The following PSMD1 variants were observed in gnomAD, a reference collection of about 807,000 sequenced individuals.
The protein encoded by PSMD1 is proteasome 26S subunit, non-ATPase 1.
A neutral mutation model predicts 119.0 loss-of-function variants in PSMD1; 18 were observed. The observed-to-expected ratio is 0.15, with a 90% CI of 0.10 to 0.22. The LOEUF (loss-of-function observed/expected upper bound fraction) is 0.22, where lower values mean the gene tolerates loss of function less well. PSMD1 is among the 10% of genes least tolerant of loss of function. The probability of loss-of-function intolerance (pLI) is 1.00; values close to 1 mark genes in which losing one functional copy is unlikely to be tolerated. For missense variants in PSMD1, 702 were observed against 1,158.5 expected, an observed-to-expected ratio of 0.61 and a Z score of 5.72; for synonymous variants, 374 against 396.6, an observed-to-expected ratio of 0.94 and a Z score of 0.68.
intron 16 of PSMD1, among the ~76,000 whole-genome samples, chr2:231,097,529 G>A (rs1694755366): frequency 6.6e-6 from 1 of 152,124 alleles, no homozygotes; most frequent in Admixed American, 6.5e-5. Context: ...ATTTTCCCAA[G>A]CCATCTGACT....
intron 6 of PSMD1, 133 bp downstream of exon 6, chr2:231,070,301 C>A: frequency 2.8e-6 from 2 of 714,594 alleles, no homozygotes; most frequent in Non-Finnish European, 3.9e-6. Flanking sequence ...TCACAGCAGC[C>A]CTGTGAAAAT....
At chr2:231,144,355 G>A (rs546414895) in intron 17 of PSMD1, among the ~76,000 whole-genome samples, 80 of 147,636 alleles carry the variant, frequency 5.4e-4, no homozygotes, top group African/African-American at 1.9e-3. Flanking sequence ...TGGTTCAAGC[G>A]ATTCTCCAGC....
At chr2:231,094,126 C>A (rs1694667749) in intron 16 of PSMD1, among the ~76,000 whole-genome samples, 1 of 152,046 alleles carries the variant, frequency 6.6e-6, no homozygotes, top group South Asian at 2.1e-4. Flanking sequence ...CTAGGGTTAA[C>A]ACCTGTTGGA....
At chr2:231,117,447 T>G (rs887682025) in intron 16 of PSMD1, among the ~76,000 whole-genome samples, 1 of 152,104 alleles carries the variant, frequency 6.6e-6, no homozygotes, top group Non-Finnish European at 1.5e-5. Context: ...TTAGACTCTT[T>G]CATTAAAATT....
At chr2:231,153,724 T>A in intron 19 of PSMD1, 58 bp downstream of exon 19, 3 of 1,184,434 alleles carry the variant, frequency 2.5e-6, no homozygotes, top group East Asian at 2.5e-5. Flanking sequence ...ATAAAATAAC[T>A]ATCTGCTCTA....
chr2:231,117,228 GT>G (rs1202759414), intron 16 of PSMD1, among the ~76,000 whole-genome samples: 15 of 151,944 alleles, frequency 9.9e-5, no homozygotes, highest in Admixed American at 9.8e-4. Flanking sequence ...AGGAGTTTTG[GT>G]TTTAAGAATT....
intron 4 of PSMD1, among the ~76,000 whole-genome samples, chr2:231,065,284 TG>T (rs957456291): frequency 6.8e-6 from 1 of 146,508 alleles, no homozygotes; most frequent in Non-Finnish European, 1.5e-5. Flanking sequence ...TTGTTTTTTT[TG>T]TTTTTTTGTT....
At chr2:231,097,869 C>T (rs563507055) in intron 16 of PSMD1, among the ~76,000 whole-genome samples, 2 of 152,234 alleles carry the variant, frequency 1.3e-5, no homozygotes, top group Admixed American at 1.3e-4. Flanking sequence ...AAGTGCACTC[C>T]AGTTATTTGG....
At chr2:231,075,437 G>A in intron 7 of PSMD1, 74 bp from the exon 8 acceptor site, 3 of 1,299,386 alleles carry the variant, frequency 2.3e-6, no homozygotes, top group Non-Finnish European at 3.2e-6. Flanking sequence ...ATTCAATTTG[G>A]ACATGGTTCA....
At position 231,170,659 on chromosome 2, in the gene PSMD1, G is replaced by C; in HGVS notation, c.2809G>C (p.Glu937Gln). The change falls in exon 24 of 25, where the codon GAG (glutamate) becomes CAG (glutamine). Residue 937 changes from glutamate (E) to glutamine (Q), a missense_variant. Physicochemically the swap from Glu to Gln is conservative, Grantham distance 29 (BLOSUM62 2). Transcript: ENST00000308696. This position sits in a 1 kb window ranked among gnomAD's most constrained non-coding sequence, Gnocchi z 4.1. Reference sequence around the variant, plus strand: ...GGCAGCACATGGCCCAAAAATCGAGGAGGAGGAACAAGAGCCAGAACCCCC... The same window carrying C: ...GGCAGCACATGGCCCAAAAATCGAGCAGGAGGAACAAGAGCCAGAACCCCC... ...PVAAHGPKIE[E>Q]EEQEPEPPEP... 1.2e-6 allele frequency: 2 copies of C among 1,614,098 alleles called. No individual in the cohort carries two copies.
At chr2:231,082,263 C>T (rs1478057885) in intron 12 of PSMD1, among the ~76,000 whole-genome samples, 2 of 152,184 alleles carry the variant, frequency 1.3e-5, no homozygotes, top group African/African-American at 4.8e-5. Flanking sequence ...ACCGAGTCTC[C>T]CTATGTTGCC....
Position 231,133,942 on chromosome 2 carries a change from G to A in PSMD1, c.1884-4794G>A, listed in dbSNP as rs1462333381. The stretch of plus-strand genomic sequence containing the variant: ...ACAATTCCTGCTCTGTGGAAGGCTT[G>A]TACAAATAGTAACATTGGCAAGATG... On this transcript the variant is annotated intron_variant, in intron 16 of 24. Coordinates refer to ENST00000308696, the MANE Select transcript of PSMD1 (RefSeq NM_002807.4). Among the ~76,000 whole-genome samples the A allele has an allele frequency of 2.0e-5, 3 of 152,174 alleles. No individual in the cohort carries two copies. In the East Asian group the frequency reaches 5.8e-4, roughly 29 times the overall value.
intron 19 of PSMD1, among the ~76,000 whole-genome samples, chr2:231,159,195 C>G (rs1193886577): frequency 1.3e-5 from 2 of 152,054 alleles, no homozygotes; most frequent in African/African-American, 4.8e-5. Flanking sequence ...ACAGACAAGC[C>G]CCATTTTTAT....
chr2:231,061,549 CT>C (rs902446597), intron 2 of PSMD1, among the ~76,000 whole-genome samples: 17 of 151,880 alleles, frequency 1.1e-4, no homozygotes, highest in Admixed American at 2.0e-4. Flanking sequence ...TAATTTCTTT[CT>C]TTTTTTTCTT....
chr2:231,086,433 G>A (rs1397928152), intron 15 of PSMD1, among the ~76,000 whole-genome samples: 2 of 152,130 alleles, frequency 1.3e-5, no homozygotes, highest in African/African-American at 4.8e-5. Flanking sequence ...GTGGTGGGCA[G>A]ATCACCTCTG....
At chr2:231,113,033 G>A (rs1331295236) in intron 16 of PSMD1, among the ~76,000 whole-genome samples, 2 of 152,018 alleles carry the variant, frequency 1.3e-5, no homozygotes, top group Non-Finnish European at 2.9e-5. Flanking sequence ...GGCATGGGGG[G>A]TGTGTCTGTA....
intron 18 of PSMD1, among the ~76,000 whole-genome samples, chr2:231,151,736 T>C (rs1009187639): frequency 2.0e-5 from 3 of 151,554 alleles, no homozygotes; most frequent in African/African-American, 7.3e-5. Context: ...TAAATGTTCA[T>C]CTAAAATAAG....
At position 231,153,566 on chromosome 2, in the gene PSMD1, G is replaced by C; in HGVS notation, c.2118G>C (p.Val706=). The change falls in exon 19 of 25, where the codon GTG becomes GTC. Residue 706 remains valine (V), a splice_region_variant and synonymous_variant. Transcript: ENST00000308696. ...IQQTEITCPK[V]NQFRQLYSKV... ...AATTCTTTCTCTTGCTCCTTCAGGT[G>C]AATCAGTTCAGACAGCTGTATTCCA... The C allele has an allele frequency of 6.2e-7, 1 of 1,605,358 alleles. No homozygotes were observed. Among genetic ancestry groups the C allele is most frequent in the African/African-American group, 1.3e-5 (1 of 74,692 alleles).
intron 21 of PSMD1, among the ~76,000 whole-genome samples, chr2:231,164,754 A>G (rs961584761): frequency 1.3e-5 from 2 of 152,038 alleles, no homozygotes; most frequent in African/African-American, 2.4e-5. Flanking sequence ...ATTGTAAGAC[A>G]TATAGTCCAG....
Sources: gnomAD v4.1 joint callset for allele counts (sites outside exome capture counted in the v4.1 genomes callset) on GRCh38, gnomAD v4.1.1 for gene constraint, Gnocchi (gnomAD v3.1) non-coding constraint, MANE v1.5 for transcripts, NCBI Gene and HGNC (gene_info 2026-07-23, HGNC 2026-07-21) for gene names.